Variants in NUBP1 observed in about 807,000 individuals in gnomAD.
The protein encoded by NUBP1 is NUBP iron-sulfur cluster assembly factor 1, cytosolic.
In NUBP1, 46 loss-of-function variants were observed where a neutral mutation model predicts 41.8. The ratio of observed to expected loss-of-function variants is 1.10; its 90% CI spans 0.87 to 1.41. NUBP1 has a LOEUF of 1.41. NUBP1 is among the 40% of genes most tolerant of loss of function. NUBP1 has a pLI of 0.00. For synonymous variants in NUBP1, 189 were observed against 154.6 expected (o/e 1.22, Z -1.65); for missense variants, 494 against 414.0 (o/e 1.19, Z -1.68).
intron 4 of NUBP1, among the ~76,000 whole-genome samples, chr16:10,754,399 C>T (rs1242022218): frequency 3.9e-5 from 6 of 151,950 alleles, no homozygotes; most frequent in African/African-American, 9.7e-5. Context: ...CACGCCACCA[C>T]GTCCAGCTAT....
At chr16:10,764,156 C>A (rs1399039802) in intron 9 of NUBP1, among the ~76,000 whole-genome samples, 1 of 152,240 alleles carries the variant, frequency 6.6e-6, no homozygotes, top group African/African-American at 2.4e-5. Flanking sequence ...GCATCTCAGC[C>A]CACAGGAGTA....
At chr16:10,761,598 A>T in intron 8 of NUBP1, 124 bp downstream of exon 8, 1 of 1,012,222 alleles carries the variant, frequency 9.9e-7, no homozygotes, top group South Asian at 1.6e-5. Context: ...AATCACAATT[A>T]AAATCCCTTT....
At chr16:10,755,464 G>A (rs1237802980) in intron 4 of NUBP1, among the ~76,000 whole-genome samples, 1 of 152,174 alleles carries the variant, frequency 6.6e-6, no homozygotes, top group Non-Finnish European at 1.5e-5. Context: ...TTGAACTTGA[G>A]TAACTTTGGT....
Position 10,769,109 on chromosome 16 carries a change from G to A in NUBP1, c.*4G>A, listed in dbSNP as rs1039207477. On this transcript the variant is annotated 3_prime_UTR_variant, in exon 11 of 11. Coordinates refer to ENST00000283027, the MANE Select transcript of NUBP1 (RefSeq NM_002484.4). ...AGAGAACCTCATCAGTTCCTGAAAC[G>A]AGAGAATGTTCAGGACCAAGCAGTT... 8.1e-6 allele frequency: 13 copies of A among 1,613,546 alleles called. No individual in the cohort carries two copies. Among genetic ancestry groups the A allele is most frequent in the South Asian group, 3.3e-5 (3 of 91,062 alleles).
chr16:10,750,366 G>A (rs1322924465), intron 3 of NUBP1, among the ~76,000 whole-genome samples: 2 of 152,160 alleles, frequency 1.3e-5, no homozygotes, highest in African/African-American at 4.8e-5. Context: ...CTCAGCCTCT[G>A]GAGTACCTGG....
intron 3 of NUBP1, among the ~76,000 whole-genome samples, chr16:10,748,187 G>A (rs1056980412): frequency 6.6e-6 from 1 of 152,126 alleles, no homozygotes; most frequent in African/African-American, 2.4e-5. Context: ...CTGAACTCAA[G>A]GCGTCCCCCT....
Position 10,757,171 on chromosome 16 carries a change from C to T in NUBP1, c.451+391C>T, listed in dbSNP as rs575017477. 2.0e-5 allele frequency among the ~76,000 whole-genome samples: 3 copies of T among 151,990 alleles called. No individual in the cohort carries two copies. The highest frequency in any genetic ancestry group is 2.9e-5 in the Non-Finnish European group (2 of 68,030). ...AAAAAATTAGCCGAGCATGGTGGCA[C>T]GTACCTGTAATCCCAGCTACTCGAG... On this transcript the variant is annotated intron_variant, in intron 6 of 10. Coordinates refer to ENST00000283027, the MANE Select transcript of NUBP1 (RefSeq NM_002484.4). This position sits in a 1 kb window ranked among gnomAD's most constrained non-coding sequence, Gnocchi z 4.1.
In NUBP1 at chr16:10,767,633, C is replaced by A; in HGVS notation, c.821-316C>A. The A allele has an allele frequency of 2.3e-6, 1 of 428,826 alleles. No individual in the cohort carries two copies. Among genetic ancestry groups the A allele is most frequent in the Non-Finnish European group, 4.1e-6 (1 of 243,246 alleles). The allele number at this position is 428,826 out of a possible 1,614,324, so 26.6% of individuals were successfully genotyped here. On this transcript the variant is annotated intron_variant, in intron 9 of 10. Transcript: ENST00000283027. The surrounding 1 kb of genome is among the most constrained non-coding windows in gnomAD (Gnocchi z 4.6). Reference sequence around the variant, plus strand: ...TAACCATGTGCATTCATGATCCTTTCACTCAAAAGCTAATCTCTTAAAATG... The same window carrying A: ...TAACCATGTGCATTCATGATCCTTTAACTCAAAAGCTAATCTCTTAAAATG...
rs566530523 is a variant in NUBP1 at position 10,758,455 on chromosome 16, C to T, written c.606+428C>T. ...GCCAGTGCAGTCCAGCCAGCGCAAG[C>T]GAGTGAGGCCTTGTCCCAAAAGATA... On this transcript the variant is annotated intron_variant, in intron 7 of 10. Transcript: ENST00000283027. Among the ~76,000 whole-genome samples the T allele has an allele frequency of 1.2e-3, 190 of 152,272 alleles. 2 individuals are homozygous for T. The highest frequency in any genetic ancestry group is 4.3e-3 in the African/African-American group (180 of 41,544).
chr16:10,751,805 A>G (rs1196385848), intron 3 of NUBP1, among the ~76,000 whole-genome samples: 1 of 152,178 alleles, frequency 6.6e-6, no homozygotes, highest in Non-Finnish European at 1.5e-5. Context: ...GATCAAAGGA[A>G]AACAGGGCTT....
In NUBP1 at chr16:10,767,763, G is replaced by A. The variant is rs746751636; in HGVS notation, c.821-186G>A. On this transcript the variant is annotated intron_variant, in intron 9 of 10. Transcript: ENST00000283027. The surrounding 1 kb of genome is among the most constrained non-coding windows in gnomAD (Gnocchi z 4.6). ...GATTATTTAGCCACGCTGAAATGCTGGCTGGGGACCCTGCTGGAAGGAAGG... is the reference window on the plus strand; with the variant it reads ...GATTATTTAGCCACGCTGAAATGCTAGCTGGGGACCCTGCTGGAAGGAAGG... 9 of 599,628 alleles carry A rather than the reference G, an allele frequency of 1.5e-5. No individual in the cohort carries two copies. Among genetic ancestry groups the A allele is most frequent in the East Asian group, 2.8e-5 (1 of 35,218 alleles). 37.1% of individuals were successfully genotyped at this position (599,628 alleles called of 1,614,324 possible).
At chr16:10,764,481 G>C (rs569297170) in intron 9 of NUBP1, among the ~76,000 whole-genome samples, 150 of 151,260 alleles carry the variant, frequency 9.9e-4, no homozygotes, top group Admixed American at 1.6e-3. Flanking sequence ...GAGTATGTCA[G>C]TCTATTGGAG....
chr16:10,762,332 A>G (rs891468757), intron 9 of NUBP1, among the ~76,000 whole-genome samples: 1 of 152,164 alleles, frequency 6.6e-6, no homozygotes, highest in Non-Finnish European at 1.5e-5. Flanking sequence ...CTGGCCTGCG[A>G]GCAGGGGCCA....
intron 7 of NUBP1, among the ~76,000 whole-genome samples, chr16:10,758,810 G>C (rs759030325): frequency 6.6e-6 from 1 of 152,132 alleles, no homozygotes; most frequent in Non-Finnish European, 1.5e-5. Flanking sequence ...GGGTGCCTTC[G>C]CTTCTTCCGT....
chr16:10,756,880 C>A, intron 6 of NUBP1, 100 bp downstream of exon 6: 1 of 868,450 alleles, frequency 1.2e-6, no homozygotes, highest in Non-Finnish European at 1.8e-6. Context: ...GCCTGCTGGA[C>A]TTCACAGTAT....
In NUBP1 at chr16:10,769,251, A is replaced by G. The variant is rs964835984; in HGVS notation, c.*146A>G. On this transcript the variant is annotated 3_prime_UTR_variant, in exon 11 of 11. Transcript: ENST00000283027. ...GTGGTCCGAAGCCACTTTCTCAGAG[A>G]CACTTTAATCATTGAGTATTTGTAC... 1 of 641,052 alleles carries G rather than the reference A, an allele frequency of 1.6e-6. No homozygotes were observed. Among genetic ancestry groups the G allele is most frequent in the Non-Finnish European group, 2.8e-6 (1 of 359,408 alleles). 39.7% of individuals were successfully genotyped at this position (641,052 alleles called of 1,614,324 possible). A position where few individuals can be genotyped will look rare whatever the true frequency, so the allele number is the denominator to read the frequency against.
In NUBP1 at chr16:10,766,693, G is replaced by C; in HGVS notation, c.821-1256G>C. 1 of 366,582 alleles carries C rather than the reference G, an allele frequency of 2.7e-6. No homozygotes were observed. The highest frequency in any genetic ancestry group is 4.8e-6 in the Non-Finnish European group (1 of 206,530). 22.7% of individuals were successfully genotyped at this position (366,582 alleles called of 1,614,324 possible). On this transcript the variant is annotated intron_variant, in intron 9 of 10. Coordinates refer to ENST00000283027, the MANE Select transcript of NUBP1 (RefSeq NM_002484.4). The surrounding 1 kb of genome is among the most constrained non-coding windows in gnomAD (Gnocchi z 4.8). The stretch of plus-strand genomic sequence containing the variant: ...GCACAAAGAAAGGAAGGAAGGAAGG[G>C]ATTTATTGAAAATGAAAGTCAACTC...
At position 10,768,347 on chromosome 16, in the gene NUBP1, A is replaced by C. The variant is rs183687841; in HGVS notation, c.904+315A>C. 408 of 189,306 alleles carry C rather than the reference A, an allele frequency of 2.2e-3. 1 individual carries two copies. The highest frequency in any genetic ancestry group is 4.1e-3 in the Admixed American group (72 of 17,546). The allele number at this position is 189,306 out of a possible 1,614,324, so 11.7% of individuals were successfully genotyped here. On this transcript the variant is annotated intron_variant, in intron 10 of 10. Coordinates refer to ENST00000283027, the MANE Select transcript of NUBP1 (RefSeq NM_002484.4). This position sits in a 1 kb window ranked among gnomAD's most constrained non-coding sequence, Gnocchi z 4.3. ...GCCAGGTGCAGTGGCTCACACCTGG[A>C]ATCCCAGCACTTTGGGTGAAGGAGG...
intron 7 of NUBP1, chr16:10,761,114 G>A (rs1229166006): frequency 7.9e-6 from 3 of 379,692 alleles, no homozygotes; most frequent in Non-Finnish European, 1.5e-5. Flanking sequence ...GACCAGCATG[G>A]GGGAAACTGC....
Sources: gnomAD v4.1 joint callset for allele counts (sites outside exome capture counted in the v4.1 genomes callset) on GRCh38, gnomAD v4.1.1 for gene constraint, Gnocchi (gnomAD v3.1) non-coding constraint, MANE v1.5 for transcripts, NCBI Gene and HGNC (gene_info 2026-07-23, HGNC 2026-07-21) for gene names.